Variants in ZPBP observed in about 807,000 individuals in gnomAD.
The protein encoded by ZPBP is zona pellucida binding protein.
A neutral mutation model predicts 44.8 loss-of-function variants in ZPBP; 26 were observed. The observed-to-expected ratio is 0.58, with a 90% CI of 0.43 to 0.81. ZPBP has a LOEUF of 0.81. Ranked by LOEUF, ZPBP falls within the 30% of genes least tolerant of loss-of-function variation. The pLI is 0.00. For missense variants in ZPBP, 409 were observed against 434.0 expected (o/e 0.94, Z 0.51); for synonymous variants, 174 against 153.2 (o/e 1.14, Z -1.00).
At chr7:50,003,646 G>A (rs1798186577) in intron 6 of ZPBP, among the ~76,000 whole-genome samples, 1 of 152,160 alleles carries the variant, frequency 6.6e-6, no homozygotes, top group Non-Finnish European at 1.5e-5. Context: ...GCAAAGGCAG[G>A]TGATGTGGTG....
chr7:49,979,875 T>C (rs12534755), intron 7 of ZPBP, among the ~76,000 whole-genome samples: 1 of 121,958 alleles, frequency 8.2e-6, no homozygotes, highest in Admixed American at 1.0e-4. Context: ...TATAATATAT[T>C]ATATATTACA....
At chr7:49,908,209 G>A (rs1442299824) in intron 1 of ZPBP, among the ~76,000 whole-genome samples, 1 of 152,100 alleles carries the variant, frequency 6.6e-6, no homozygotes, top group Non-Finnish European at 1.5e-5. Context: ...TATTTTAATG[G>A]TAAAGCTGGT....
At chr7:50,039,156 T>C (rs1183293963) in intron 4 of ZPBP, among the ~76,000 whole-genome samples, 1 of 152,028 alleles carries the variant, frequency 6.6e-6, no homozygotes, top group Non-Finnish European at 1.5e-5. Context: ...TATAAATATG[T>C]TAAAAGAATT....
chr7:49,874,899 T>G (rs73111327), intron 2 of ZPBP, among the ~76,000 whole-genome samples: 1 of 152,260 alleles, frequency 6.6e-6, no homozygotes, highest in Non-Finnish European at 1.5e-5. Context: ...TTCCTATTTG[T>G]ATGAGAGAGT....
At chr7:49,904,689 T>C (rs1406887152) in intron 1 of ZPBP, among the ~76,000 whole-genome samples, 1 of 152,088 alleles carries the variant, frequency 6.6e-6, no homozygotes, top group Non-Finnish European at 1.5e-5. Context: ...CTTTACATCA[T>C]AACTAAATAT....
chr7:49,929,091 T>C (rs1489221032), intron 1 of ZPBP, among the ~76,000 whole-genome samples: 1 of 152,112 alleles, frequency 6.6e-6, no homozygotes, highest in African/African-American at 2.4e-5. Flanking sequence ...TCATCCAAAA[T>C]TGGCAGTTTT....
downstream of ZPBP, among the ~76,000 whole-genome samples, chr7:49,935,382 A>T (rs1014646741): frequency 6.6e-6 from 1 of 151,966 alleles, no homozygotes; most frequent in Non-Finnish European, 1.5e-5. Context: ...CCTTTACTTC[A>T]ATTTATTTAT....
chr7:49,922,922 T>C (rs1438706969), intron 1 of ZPBP, among the ~76,000 whole-genome samples: 3 of 152,126 alleles, frequency 2.0e-5, no homozygotes, highest in African/African-American at 7.2e-5. Context: ...CAGCAGAGGA[T>C]TAGAAACCTA....
chr7:49,875,361 T>C (rs769927), intron 2 of ZPBP, among the ~76,000 whole-genome samples: 76,787 of 101,098 alleles, frequency 0.76, 28,966 homozygotes, highest in East Asian at 0.88. Flanking sequence ...CAGAGTGAGA[T>C]TCTGACTCAA....
At chr7:50,021,337 G>T (rs1799081508) in intron 5 of ZPBP, among the ~76,000 whole-genome samples, 1 of 151,936 alleles carries the variant, frequency 6.6e-6, no homozygotes, top group African/African-American at 2.4e-5. Flanking sequence ...TAAGTTACAG[G>T]ACAAAATCTA....
At chr7:50,035,364 C>T (rs1403549494) in intron 4 of ZPBP, among the ~76,000 whole-genome samples, 1 of 152,200 alleles carries the variant, frequency 6.6e-6, no homozygotes. Flanking sequence ...CAGTTCAAGG[C>T]CACTGCCTTG....
intron 7 of ZPBP, among the ~76,000 whole-genome samples, chr7:49,975,174 T>C (rs920261360): frequency 3.3e-5 from 5 of 152,162 alleles, no homozygotes; most frequent in African/African-American, 1.2e-4. Context: ...GTTCTGGCTA[T>C]GGGAGCTCCT....
intron 2 of ZPBP, among the ~76,000 whole-genome samples, chr7:49,889,922 A>C (rs1792061111): frequency 2.0e-5 from 3 of 152,176 alleles, no homozygotes; most frequent in Admixed American, 1.3e-4. Flanking sequence ...AGAGACAAAT[A>C]TATGTTTTGC....
chr7:50,006,261 T>G (rs1011940863), intron 6 of ZPBP, among the ~76,000 whole-genome samples: 2 of 151,944 alleles, frequency 1.3e-5, no homozygotes, highest in African/African-American at 4.8e-5. Context: ...AACAATACCA[T>G]AGATCAACAG....
chr7:49,885,150 A>G (rs1039738993), intron 2 of ZPBP, among the ~76,000 whole-genome samples: 2 of 152,146 alleles, frequency 1.3e-5, no homozygotes, highest in Non-Finnish European at 2.9e-5. Flanking sequence ...ACAGAAAAAT[A>G]GAATCCTTCA....
chr7:50,022,593 CAG>C (rs1358618162), intron 5 of ZPBP, among the ~76,000 whole-genome samples: 2 of 151,918 alleles, frequency 1.3e-5, no homozygotes, highest in East Asian at 3.9e-4. Context: ...AAGGTAGTAA[CAG>C]GGACAATCAA....
intron 7 of ZPBP, among the ~76,000 whole-genome samples, chr7:49,969,274 T>C (rs1157646404): frequency 6.7e-6 from 1 of 150,034 alleles, no homozygotes; most frequent in Non-Finnish European, 1.5e-5. Context: ...CCACATAAGA[T>C]CTATGTATCT....
chr7:49,969,803 G>GTATATA (rs754621506), intron 7 of ZPBP, among the ~76,000 whole-genome samples: 3 of 133,156 alleles, frequency 2.3e-5, no homozygotes, highest in Non-Finnish European at 4.8e-5. Flanking sequence ...GTTAATAAAT[G>GTATATA]TATATATATA....
At chr7:49,911,859 T>TGCA (rs1793459433) in intron 1 of ZPBP, among the ~76,000 whole-genome samples, 1 of 151,360 alleles carries the variant, frequency 6.6e-6, no homozygotes, top group African/African-American at 2.4e-5. Context: ...ATCGTGCCAC[T>TGCA]GCACTCCAGC....
Sources: gnomAD v4.1 joint callset for allele counts (sites outside exome capture counted in the v4.1 genomes callset) on GRCh38, gnomAD v4.1.1 for gene constraint, MANE v1.5 for transcripts, NCBI Gene and HGNC (gene_info 2026-07-23, HGNC 2026-07-21) for gene names.